The following MTMR2 variants were observed in gnomAD, a reference collection of about 807,000 sequenced individuals.
MTMR2 encodes myotubularin related protein 2, also known as phosphatidylinositol-3,5-bisphosphate 3-phosphatase MTMR2.
A neutral mutation model predicts 86.9 loss-of-function variants in MTMR2; 55 were observed. The ratio of observed to expected loss-of-function variants is 0.63; its 90% confidence interval spans 0.51 to 0.79. The LOEUF is 0.79. MTMR2 is among the 30% of genes least tolerant of loss of function. The probability of loss-of-function intolerance (pLI) is 0.00; values close to 1 mark genes in which losing one functional copy is unlikely to be tolerated. For synonymous variants in MTMR2, 241 were observed against 266.8 expected (o/e 0.90, Z 0.94); for missense variants, 659 against 772.3 (o/e 0.85, Z 1.74).
At chr11:95,886,292 T>G (rs1865508935) in intron 2 of MTMR2, among the ~76,000 whole-genome samples, 1 of 152,208 alleles carries the variant, frequency 6.6e-6, no homozygotes, top group Non-Finnish European at 1.5e-5. Context: ...ATGGGAACTC[T>G]ATTATCTTTG....
intron 2 of MTMR2, among the ~76,000 whole-genome samples, chr11:95,873,671 C>A (rs1864983450): frequency 1.3e-5 from 2 of 151,656 alleles, no homozygotes. Context: ...TTCTCTAGTT[C>A]TTTTAATTGT....
intron 2 of MTMR2, among the ~76,000 whole-genome samples, chr11:95,885,002 A>G (rs982713310): frequency 6.6e-6 from 1 of 152,082 alleles, no homozygotes; most frequent in Non-Finnish European, 1.5e-5. Context: ...CTGCTTATTC[A>G]GCAAATAAAA....
rs114883605 is a variant in MTMR2 at position 95,847,772 on chromosome 11, A to G, written c.1121T>C (p.Ile374Thr). 1.1e-5 allele frequency: 17 copies of G among 1,613,662 alleles called. No individual in the cohort carries two copies. The highest frequency in any genetic ancestry group is 8.9e-5 in the East Asian group (4 of 44,834). Residue 374 changes from isoleucine to threonine, a missense_variant, in exon 10 of 15, where the codon ATT becomes ACT. Physicochemically the swap from Ile to Thr is moderately conservative, Grantham distance 89. This residue lies in a region of MTMR2 where 387 missense variants were observed against 526.3 expected (regional missense o/e 0.74). Transcript: ENST00000346299. ...RKLKEIVYPN[I>T]EETHWLSNLE... Reference sequence around the variant, plus strand: ...GTTAGACAACCAGTGGGTTTCCTCAATGTTGGGGTACACAATCTCCTTAAG... The same window carrying G: ...GTTAGACAACCAGTGGGTTTCCTCAGTGTTGGGGTACACAATCTCCTTAAG...
chr11:95,897,547 C>T (rs1000822528), intron 1 of MTMR2, among the ~76,000 whole-genome samples: 1 of 152,100 alleles, frequency 6.6e-6, no homozygotes, highest in Non-Finnish European at 1.5e-5. Context: ...TGGACTATCA[C>T]TGTGCAAATT....
At chr11:95,882,016 G>A (rs908771537) in intron 2 of MTMR2, among the ~76,000 whole-genome samples, 1 of 152,060 alleles carries the variant, frequency 6.6e-6, no homozygotes, top group African/African-American at 2.4e-5. Flanking sequence ...AGTTGATATT[G>A]TTGGTAAGGG....
At chr11:95,891,332 T>C (rs2135556620) in intron 1 of MTMR2, among the ~76,000 whole-genome samples, 1 of 152,010 alleles carries the variant, frequency 6.6e-6, no homozygotes, top group South Asian at 2.1e-4. Context: ...ATGCCTGTAG[T>C]CCCAGCTACT....
intron 7 of MTMR2, among the ~76,000 whole-genome samples, chr11:95,854,368 G>A (rs1864132934): frequency 1.3e-5 from 2 of 152,158 alleles, no homozygotes; most frequent in African/African-American, 4.8e-5. Context: ...CTAAGGATAA[G>A]TTCTCTTTCC....
chr11:95,923,238 A>G (rs1866998294), intron 1 of MTMR2, among the ~76,000 whole-genome samples: 1 of 152,246 alleles, frequency 6.6e-6, no homozygotes, highest in South Asian at 2.1e-4. Context: ...TTGTTTTCTT[A>G]AACCTATCAC....
chr11:95,915,354 T>C (rs993743629), intron 1 of MTMR2, among the ~76,000 whole-genome samples: 7 of 152,112 alleles, frequency 4.6e-5, no homozygotes, highest in African/African-American at 1.7e-4. Flanking sequence ...AGAAGAGAAA[T>C]GGATATGTTT....
At chr11:95,892,192 C>T (rs941911206) in intron 1 of MTMR2, among the ~76,000 whole-genome samples, 10 of 152,116 alleles carry the variant, frequency 6.6e-5, no homozygotes, top group African/African-American at 1.9e-4. Context: ...TGAACTGTTC[C>T]ACAAACAAGC....
intron 1 of MTMR2, among the ~76,000 whole-genome samples, chr11:95,913,760 GA>G (rs960154647): frequency 1.7e-4 from 26 of 151,578 alleles, no homozygotes; most frequent in African/African-American, 6.3e-4. Context: ...AAGAGGAGGG[GA>G]AAAAAAGAAA....
At chr11:95,837,308 T>TA (rs1375307962) in intron 13 of MTMR2, among the ~76,000 whole-genome samples, 2 of 152,070 alleles carry the variant, frequency 1.3e-5, no homozygotes, top group African/African-American at 4.8e-5. Flanking sequence ...AGCGAACTGT[T>TA]ACAGTAAGTG....
intron 7 of MTMR2, among the ~76,000 whole-genome samples, chr11:95,856,788 C>T (rs1458099863): frequency 6.6e-6 from 1 of 152,070 alleles, no homozygotes; most frequent in Non-Finnish European, 1.5e-5. Flanking sequence ...GCAATTTCTT[C>T]CCAGATTCTC....
Position 95,841,704 on chromosome 11 carries a change from A to G in MTMR2, c.1392T>C (p.Val464=), listed in dbSNP as rs745481262. The G allele has an allele frequency of 1.2e-6, 2 of 1,611,322 alleles. No homozygotes were observed. The highest frequency in any genetic ancestry group is 4.5e-5 in the East Asian group (2 of 44,850). ...LSFGHRFQLR[V]GHGDKNHADA... ...CTGCATGGTTCTTATCTCCATGGCC[A>G]ACTCTCTGAAGCAAAAAGAGTGAAA... Residue 464 remains valine, a synonymous_variant, in exon 12 of 15, where the codon GTT becomes GTC. Transcript: ENST00000346299.
chr11:95,872,730 G>C (rs1470886416), intron 2 of MTMR2, among the ~76,000 whole-genome samples: 1 of 152,176 alleles, frequency 6.6e-6, no homozygotes, highest in Non-Finnish European at 1.5e-5. Flanking sequence ...TGCCCATTCA[G>C]TATGATACTG....
At chr11:95,844,473 C>T (rs1863684906) in intron 11 of MTMR2, among the ~76,000 whole-genome samples, 1 of 152,134 alleles carries the variant, frequency 6.6e-6, no homozygotes, top group Non-Finnish European at 1.5e-5. Flanking sequence ...ATGGTCCCAG[C>T]AGGGCCAGCT....
intron 2 of MTMR2, among the ~76,000 whole-genome samples, chr11:95,884,495 C>T (rs1241002998): frequency 2.6e-5 from 4 of 152,148 alleles, no homozygotes; most frequent in African/African-American, 9.7e-5. Flanking sequence ...ATAAGGGTAA[C>T]AGCCAACTGT....
intron 13 of MTMR2, 82 bp from the exon 14 acceptor site, chr11:95,836,406 G>T: frequency 7.6e-7 from 1 of 1,318,148 alleles, no homozygotes; most frequent in Non-Finnish European, 1.1e-6. Flanking sequence ...GAAGTACTTT[G>T]TTGTCATTAA....
chr11:95,919,860 T>TA (rs1196752950), intron 1 of MTMR2, among the ~76,000 whole-genome samples: 1 of 152,190 alleles, frequency 6.6e-6, no homozygotes, highest in Non-Finnish European at 1.5e-5. Flanking sequence ...CGGCACTAGA[T>TA]ATCTTACCAT....
Sources: allele counts gnomAD v4.1 joint callset (sites outside exome capture counted in the v4.1 genomes callset), GRCh38; gene constraint gnomAD v4.1.1; regional missense constraint gnomAD v4.1.1; transcripts MANE v1.5; gene names NCBI Gene and HGNC (gene_info 2026-07-23, HGNC 2026-07-21).